SMCHD1: variants seen among roughly 807,000 people sequenced by gnomAD.
SMCHD1 encodes structural maintenance of chromosomes flexible hinge domain containing 1.
SMCHD1 carries 78 observed loss-of-function variants against 254.7 expected under a neutral mutation model. The observed-to-expected ratio is 0.31, with a 90% CI of 0.26 to 0.37. The LOEUF is 0.37. Ranked by LOEUF, SMCHD1 falls within the 10% of genes least tolerant of loss-of-function variation. The pLI is 1.00. For missense variants in SMCHD1, 1,840 were observed against 2,408.1 expected (o/e 0.76, Z 4.94); for synonymous variants, 766 against 794.9 (o/e 0.96, Z 0.61).
At chr18:2,772,413 T>A in intron 41 of SMCHD1, 41 bp downstream of exon 41, 2 of 1,464,060 alleles carry the variant, frequency 1.4e-6, no homozygotes, top group Non-Finnish European at 1.8e-6. Flanking sequence ...GTACATTTTA[T>A]TATCTTGTTT....
In SMCHD1 at chr18:2,770,027, G is replaced by A; in HGVS notation, c.4885G>A (p.Glu1629Lys). The change falls in exon 39 of 48, where the codon GAA becomes AAA. Residue 1629 changes from glutamate (E) to lysine (K), a missense_variant. Glu to Lys is a moderately conservative substitution (Grantham distance 56). Transcript: ENST00000320876. ...KQQQMAALTK[E>K]KDQLSQSIVM... ...GCAACAAATGGCAGCACTTACAAAA[G>A]AAAAGGACCAATTATCTCAGTCTAT... 6.2e-7 allele frequency: 1 copy of A among 1,600,692 alleles called. No individual in the cohort carries two copies. Among genetic ancestry groups the A allele is most frequent in the Non-Finnish European group, 8.5e-7 (1 of 1,176,422 alleles).
intron 15 of SMCHD1, 53 bp from the exon 16 acceptor site, chr18:2,707,510 A>T: frequency 9.4e-7 from 1 of 1,060,408 alleles, no homozygotes; most frequent in Non-Finnish European, 1.4e-6. Flanking sequence ...CTTTTTAATT[A>T]AGATCATAAT....
At chr18:2,763,981 G>A (rs955223494) in intron 37 of SMCHD1, 192 bp downstream of exon 37, 14 of 499,598 alleles carry the variant, frequency 2.8e-5, no homozygotes, top group Non-Finnish European at 4.4e-5. Context: ...TAAGACTCTC[G>A]TTTTTCCTAT....
At chr18:2,686,827 G>A (rs779480172) in intron 5 of SMCHD1, among the ~76,000 whole-genome samples, 7 of 152,020 alleles carry the variant, frequency 4.6e-5, no homozygotes, top group Non-Finnish European at 8.8e-5. Flanking sequence ...CCTGGTCAAT[G>A]TTGTCTTTAT....
At chr18:2,759,571 C>CTTTTTTTT (rs61159403) in intron 34 of SMCHD1, among the ~76,000 whole-genome samples, 20,948 of 68,372 alleles carry the variant, frequency 0.31, 4,709 homozygotes, top group Non-Finnish European at 0.39. Flanking sequence ...TTAATTCTCT[C>CTTTTTTTT]TTTTTTTTTT....
At chr18:2,774,103 G>A (rs1383831180) in intron 41 of SMCHD1, among the ~76,000 whole-genome samples, 1 of 151,954 alleles carries the variant, frequency 6.6e-6, no homozygotes, top group African/African-American at 2.4e-5. Flanking sequence ...TCTAAATGAG[G>A]AAGATGTAGT....
At chr18:2,739,661 A>G in intron 27 of SMCHD1, 141 bp downstream of exon 27, 2 of 616,236 alleles carry the variant, frequency 3.2e-6, no homozygotes, top group Non-Finnish European at 5.6e-6. Flanking sequence ...ATTGTCAGAT[A>G]AGATTGAAGT....
At chr18:2,721,676 A>G (rs1031312591) in intron 19 of SMCHD1, among the ~76,000 whole-genome samples, 9 of 152,218 alleles carry the variant, frequency 5.9e-5, no homozygotes, top group African/African-American at 2.2e-4. Flanking sequence ...TGAGAGTTCC[A>G]ATTGACTGCA....
At chr18:2,737,651 C>T (rs889249965) in intron 25 of SMCHD1, among the ~76,000 whole-genome samples, 1 of 152,002 alleles carries the variant, frequency 6.6e-6, no homozygotes, top group Non-Finnish European at 1.5e-5. Context: ...ATTGGAGGCT[C>T]CAGTGAGCTA....
chr18:2,677,476 A>C (rs1383245168), intron 5 of SMCHD1, among the ~76,000 whole-genome samples: 2 of 152,190 alleles, frequency 1.3e-5, no homozygotes, highest in Non-Finnish European at 2.9e-5. Flanking sequence ...TAAAATTCAC[A>C]GTATTAAAGC....
intron 17 of SMCHD1, among the ~76,000 whole-genome samples, chr18:2,713,084 C>T (rs1033000935): frequency 6.6e-6 from 1 of 152,158 alleles, no homozygotes; most frequent in Non-Finnish European, 1.5e-5. Flanking sequence ...AATACTTAGG[C>T]TTTGAGAGCT....
intron 47 of SMCHD1, among the ~76,000 whole-genome samples, chr18:2,798,759 A>T (rs908677334): frequency 1.3e-5 from 2 of 152,262 alleles, no homozygotes; most frequent in Admixed American, 1.3e-4. Context: ...CTCTGCTTTT[A>T]TATAGGTTTG....
intron 43 of SMCHD1, 110 bp from the exon 44 acceptor site, chr18:2,778,059 T>C (rs2076095833): frequency 3.0e-6 from 3 of 989,824 alleles, no homozygotes; most frequent in Admixed American, 5.5e-5. Context: ...CAAATAAAAT[T>C]AGAACGAATA....
intron 43 of SMCHD1, 48 bp from the exon 44 acceptor site, chr18:2,778,121 C>T (rs778600744): frequency 7.2e-7 from 1 of 1,395,602 alleles, no homozygotes; most frequent in Non-Finnish European, 9.9e-7. Context: ...TTTAATATGG[C>T]CAAGGAAAAT....
intron 1 of SMCHD1, among the ~76,000 whole-genome samples, chr18:2,664,947 C>T (rs1348113292): frequency 6.6e-6 from 1 of 152,250 alleles, no homozygotes; most frequent in East Asian, 1.9e-4. Context: ...TGCCCTAGCT[C>T]ATCCCAGTGG....
At position 2,740,801 on chromosome 18, in the gene SMCHD1, A is replaced by G. The variant is rs969131412; in HGVS notation, c.3613A>G (p.Asn1205Asp). Residue 1205 changes from asparagine (N) to aspartate (D), a missense_variant, in exon 28 of 48, where the codon AAT (asparagine) becomes GAT (aspartate). Around this residue, in one of 9 missense-constraint regions of SMCHD1, gnomAD observed 881 missense variants for 1,009.5 expected, o/e 0.87. Transcript: ENST00000320876. Reference protein sequence around the residue: ...SIAGVGLDSSNLKTTFQENTQ... With the variant: ...SIAGVGLDSSDLKTTFQENTQ... ...TGCTGGGGTTGGACTTGATAGCTCA[A>G]ATTTGAAAACAACCTTTCAGGTATG... 6.2e-7 allele frequency: 1 copy of G among 1,605,464 alleles called. No individual in the cohort carries two copies. Among genetic ancestry groups the G allele is most frequent in the Non-Finnish European group, 8.5e-7 (1 of 1,174,480 alleles).
In SMCHD1 at chr18:2,738,557, C is replaced by A; in HGVS notation, c.3425+12C>A. 6.3e-7 allele frequency: 1 copy of A among 1,593,332 alleles called. No homozygotes were observed. Among genetic ancestry groups the A allele is most frequent in the Non-Finnish European group, 8.5e-7 (1 of 1,170,104 alleles). On this transcript the variant is annotated intron_variant, in intron 26 of 47. Transcript: ENST00000320876. The stretch of plus-strand genomic sequence containing the variant: ...GCGTTTACAGTAAGGTTTGTGGACT[C>A]ATTATATTTTGCAGCCTATGGCAAC...
At chr18:2,762,033 A>G in intron 35 of SMCHD1, 72 bp from the exon 36 acceptor site, 1 of 1,267,340 alleles carries the variant, frequency 7.9e-7, no homozygotes, top group East Asian at 2.4e-5. Context: ...TGCCATTGTT[A>G]TGTCTTCCCT....
intron 1 of SMCHD1, among the ~76,000 whole-genome samples, chr18:2,661,370 G>A (rs1252565298): frequency 1.3e-5 from 2 of 151,824 alleles, no homozygotes; most frequent in African/African-American, 4.8e-5. Flanking sequence ...TGTCTTAATT[G>A]AATAATAGTA....
Sources: allele counts gnomAD v4.1 joint callset (sites outside exome capture counted in the v4.1 genomes callset), GRCh38; gene constraint gnomAD v4.1.1; regional missense constraint gnomAD v4.1.1; transcripts MANE v1.5; gene names NCBI Gene and HGNC (gene_info 2026-07-23, HGNC 2026-07-21).